The following ALDOB variants were observed in gnomAD, a reference collection of about 807,000 sequenced individuals.
ALDOB encodes the protein fructose-bisphosphate aldolase B.
In ALDOB, 39 loss-of-function variants were observed where a neutral mutation model predicts 41.0. The ratio of observed to expected loss-of-function variants is 0.95; its 90% CI spans 0.74 to 1.24. The LOEUF is 1.24. Ranked by LOEUF, ALDOB falls within the 50% of genes most tolerant of loss-of-function variation. The probability of loss-of-function intolerance (pLI) is 0.00; values close to 1 mark genes in which losing one functional copy is unlikely to be tolerated. For missense variants in ALDOB, 530 were observed against 457.3 expected (o/e 1.16, Z -1.45); for synonymous variants, 175 against 168.8 (o/e 1.04, Z -0.28).
Position 101,425,120 on chromosome 9 carries a change from C to G in ALDOB, c.800-78G>C, listed in dbSNP as rs945939424. On this transcript the variant is annotated intron_variant, in intron 7 of 8. Transcript: ENST00000647789. ...TTGAGAAAGCAAGCAATGAACCTAC[C>G]AGAAAAGTAATGTCTCAGTCTTTTC... 8 of 1,476,494 alleles carry G rather than the reference C, an allele frequency of 5.4e-6. 1 individual carries two copies. In the African/African-American group the frequency reaches 6.9e-5, roughly 13 times the overall value. 91.5% of individuals were successfully genotyped at this position (1,476,494 alleles called of 1,614,324 possible). A position where few individuals can be genotyped will look rare whatever the true frequency, so the allele number is the denominator to read the frequency against.
intron 7 of ALDOB, among the ~76,000 whole-genome samples, 182 bp from the exon 8 acceptor site, chr9:101,425,224 T>C (rs1488263829): frequency 2.0e-5 from 3 of 152,176 alleles, no homozygotes; most frequent in African/African-American, 7.2e-5. Context: ...ATAAGTGCTT[T>C]AAATACGTAA....
At chr9:101,426,360 A>G (rs1385845818) in intron 6 of ALDOB, among the ~76,000 whole-genome samples, 195 bp downstream of exon 6, 1 of 152,014 alleles carries the variant, frequency 6.6e-6, no homozygotes, top group Non-Finnish European at 1.5e-5. Flanking sequence ...TGGTACTGCA[A>G]CTCCTGTGCT....
intron 1 of ALDOB, 136 bp from the exon 2 acceptor site, chr9:101,431,033 C>G (rs772363424): frequency 2.3e-5 from 16 of 702,118 alleles, no homozygotes; most frequent in Non-Finnish European, 3.9e-5. Flanking sequence ...GGTGGATAAG[C>G]AAATGAGGTT....
At chr9:101,427,137 C>A (rs1004289089) in intron 5 of ALDOB, among the ~76,000 whole-genome samples, 1 of 152,172 alleles carries the variant, frequency 6.6e-6, no homozygotes, top group African/African-American at 2.4e-5. Flanking sequence ...CACTCTTCAG[C>A]TAGGAATCTA....
intron 6 of ALDOB, among the ~76,000 whole-genome samples, 174 bp downstream of exon 6, chr9:101,426,381 G>A (rs1387725742): frequency 6.6e-6 from 1 of 152,120 alleles, no homozygotes; most frequent in Admixed American, 6.5e-5. Context: ...TTTTCTATAT[G>A]GAGTATACCA....
In ALDOB at chr9:101,430,890, T is replaced by A. The variant is rs757772074; in HGVS notation, c.-3A>T. On this transcript the variant is annotated 5_prime_UTR_variant, in exon 2 of 9. Transcript: ENST00000647789. ...AGGGCTGGAAATCGGTGGGCCATGG[T>A]GACAGGTCTGGAAAAGAGTGTGCGA... 1 of 1,610,078 alleles carries A rather than the reference T, an allele frequency of 6.2e-7. No individual in the cohort carries two copies. The highest frequency in any genetic ancestry group is 8.5e-7 in the Non-Finnish European group (1 of 1,176,392).
intron 2 of ALDOB, 48 bp from the exon 3 acceptor site, chr9:101,430,014 C>G (rs369956883): frequency 9.2e-5 from 138 of 1,501,824 alleles, no homozygotes; most frequent in Non-Finnish European, 1.2e-4. Context: ...CCAGGGCTTT[C>G]CTGTCACCCT....
rs761836485 is a variant in ALDOB at position 101,430,842 on chromosome 9, G to A, written c.46C>T (p.Leu16Phe). Residue 16 changes from leucine (L) to phenylalanine (F), a missense_variant, in exon 2 of 9, where the codon CTC becomes TTC. Physicochemically the swap from Leu to Phe is conservative, Grantham distance 22. Coordinates refer to ENST00000647789, the MANE Select transcript of ALDOB (RefSeq NM_000035.4). ...ACAATGCTCTGGGCAATTTCTGAGA[G>A]CTCCTTCTTCTGCTCCTGGGTGAGG... The part of the protein sequence containing the change: ...PALTQEQKKE[L>F]SEIAQSIVAN... 6.2e-7 allele frequency: 1 copy of A among 1,614,208 alleles called. No homozygotes were observed.
At chr9:101,432,830 T>C (rs1831240199) in intron 1 of ALDOB, among the ~76,000 whole-genome samples, 1 of 152,126 alleles carries the variant, frequency 6.6e-6, no homozygotes, top group Non-Finnish European at 1.5e-5. Flanking sequence ...ATGAAAAAAA[T>C]GGCCTTTGGA....
chr9:101,423,580 A>G (rs1277324109), intron 8 of ALDOB, among the ~76,000 whole-genome samples: 2 of 152,232 alleles, frequency 1.3e-5, no homozygotes, highest in Non-Finnish European at 2.9e-5. Context: ...AACTGTAATC[A>G]GTCATCAACT....
chr9:101,421,974 T>C, intron 8 of ALDOB, 70 bp from the exon 9 acceptor site: 1 of 1,321,268 alleles, frequency 7.6e-7, no homozygotes, highest in Non-Finnish European at 1.1e-6. Context: ...TGTCTGCCTC[T>C]CATGGGAAAC....
At chr9:101,431,210 A>G (rs1490029737) in intron 1 of ALDOB, among the ~76,000 whole-genome samples, 5 of 152,186 alleles carry the variant, frequency 3.3e-5, no homozygotes, top group Non-Finnish European at 5.9e-5. Flanking sequence ...TGACTAATAG[A>G]GGGGACTGCA....
intron 1 of ALDOB, among the ~76,000 whole-genome samples, chr9:101,431,471 A>C (rs1451512216): frequency 6.6e-6 from 1 of 151,938 alleles, no homozygotes; most frequent in Non-Finnish European, 1.5e-5. Context: ...CTTATATTCA[A>C]CCCTCTATGA....
chr9:101,430,527 G>C (rs1195217713), intron 2 of ALDOB, among the ~76,000 whole-genome samples: 1 of 152,124 alleles, frequency 6.6e-6, no homozygotes, highest in East Asian at 1.9e-4. Context: ...CTAAGTTTCT[G>C]GCCTTACTAC....
chr9:101,431,426 C>T (rs1186973418), intron 1 of ALDOB, among the ~76,000 whole-genome samples: 2 of 152,230 alleles, frequency 1.3e-5, no homozygotes, highest in Non-Finnish European at 2.9e-5. Context: ...CATTTGGCCT[C>T]GGGCTACAGA....
At chr9:101,423,172 G>A (rs1387395997) in intron 8 of ALDOB, among the ~76,000 whole-genome samples, 1 of 152,148 alleles carries the variant, frequency 6.6e-6, no homozygotes, top group Non-Finnish European at 1.5e-5. Context: ...GTGAGATGAT[G>A]ATTTAGCTTC....
chr9:101,430,776 C>A lies in ALDOB; in HGVS notation c.112G>T (p.Gly38Cys). The A allele has an allele frequency of 6.2e-7, 1 of 1,609,246 alleles. No homozygotes were observed. Among genetic ancestry groups the A allele is most frequent in the Non-Finnish European group, 8.5e-7 (1 of 1,175,498 alleles). ...TGATGAGACTGCTTTTTACACTCAC[C>A]TACAGATTCATCTGCAGCCAGGATC... ...KGILAADESVGTMGNRLQRIK... is the reference protein window; with the variant it reads ...KGILAADESVCTMGNRLQRIK... Residue 38 changes from glycine (G) to cysteine (C), a missense_variant and splice_region_variant, in exon 2 of 9, where the codon GGT becomes TGT. Gly to Cys is a radical substitution (Grantham distance 159). Coordinates refer to ENST00000647789, the MANE Select transcript of ALDOB (RefSeq NM_000035.4).
intron 8 of ALDOB, among the ~76,000 whole-genome samples, chr9:101,424,404 G>A (rs1831093005): frequency 6.6e-6 from 1 of 151,732 alleles, no homozygotes; most frequent in African/African-American, 2.4e-5. Flanking sequence ...GGGTGACAGA[G>A]TAACACTCCA....
At chr9:101,422,225 A>G (rs1365975451) in intron 8 of ALDOB, among the ~76,000 whole-genome samples, 5 of 152,220 alleles carry the variant, frequency 3.3e-5, no homozygotes, top group Non-Finnish European at 1.5e-5. Context: ...ACACTATACC[A>G]AAAGAAAAAC....
Sources: gnomAD v4.1 joint callset for allele counts (sites outside exome capture counted in the v4.1 genomes callset) on GRCh38, gnomAD v4.1.1 for gene constraint, MANE v1.5 for transcripts, NCBI Gene and HGNC (gene_info 2026-07-23, HGNC 2026-07-21) for gene names.